TMEM71: variants seen among roughly 807,000 people sequenced by gnomAD.
The protein encoded by TMEM71 is transmembrane protein 71.
Under a neutral mutation model 38.0 loss-of-function variants are expected in TMEM71, and 44 were observed. The ratio of observed to expected loss-of-function variants is 1.16; its 90% CI spans 0.91 to 1.49. The LOEUF is 1.49. Among genes scored for constraint, TMEM71 ranks in the 40% most tolerant of loss-of-function variants. The pLI is 0.00. For synonymous variants in TMEM71, 133 were observed against 122.5 expected, an observed-to-expected ratio of 1.09 and a Z score of -0.56; for missense variants, 367 against 348.6, an observed-to-expected ratio of 1.05 and a Z score of -0.42.
At chr8:132,733,053 A>C (rs1407177305) in intron 5 of TMEM71, among the ~76,000 whole-genome samples, 1 of 152,208 alleles carries the variant, frequency 6.6e-6, no homozygotes, top group East Asian at 1.9e-4. Context: ...GGTTGTACTT[A>C]ATCTAGTCAA....
chr8:132,708,417 A>G (rs757333282), downstream of TMEM71, among the ~76,000 whole-genome samples: 17 of 152,252 alleles, frequency 1.1e-4, no homozygotes, highest in Non-Finnish European at 2.1e-4. Context: ...AACACACTTT[A>G]TACACTTGGA....
At chr8:132,775,608 G>A in the TMEM71 span, 1 of 344,974 alleles carries the variant, frequency 2.9e-6, no homozygotes, top group Non-Finnish European at 5.2e-6. Flanking sequence ...GCTCGGCCCC[G>A]GACGGCCCGG....
chr8:132,765,158 C>A (rs1040142288), upstream of TMEM71, among the ~76,000 whole-genome samples: 1 of 152,134 alleles, frequency 6.6e-6, no homozygotes, highest in African/African-American at 2.4e-5. Context: ...GCCAAGTGAA[C>A]CTACATTTCT....
At chr8:132,727,211 T>C (rs899989534) in intron 6 of TMEM71, among the ~76,000 whole-genome samples, 7 of 151,886 alleles carry the variant, frequency 4.6e-5, no homozygotes, top group Non-Finnish European at 8.8e-5. Flanking sequence ...TCTGTGTATC[T>C]TCCACTTTGC....
intron 5 of TMEM71, among the ~76,000 whole-genome samples, chr8:132,742,774 A>G (rs1271907874): frequency 6.6e-6 from 1 of 152,214 alleles, no homozygotes; most frequent in Non-Finnish European, 1.5e-5. Flanking sequence ...CCATTTGTTG[A>G]TGAGTGACAT....
chr8:132,774,602 A>G, the TMEM71 span, among the ~76,000 whole-genome samples: 1 of 152,270 alleles, frequency 6.6e-6, no homozygotes, highest in East Asian at 1.9e-4. Context: ...CCAGAGTGGT[A>G]CAGTGGAAAC....
intron 2 of TMEM71, among the ~76,000 whole-genome samples, chr8:132,757,825 CAAAAAA>C (rs56859505): frequency 9.3e-6 from 1 of 107,184 alleles, no homozygotes; most frequent in African/African-American, 3.8e-5. Flanking sequence ...GATTCTGTCT[CAAAAAA>C]AAAAAAAAAA....
At chr8:132,741,559 C>T (rs888975647) in intron 5 of TMEM71, among the ~76,000 whole-genome samples, 13 of 142,090 alleles carry the variant, frequency 9.1e-5, no homozygotes, top group East Asian at 2.0e-4. Flanking sequence ...ACGTGGGTCA[C>T]GTGTCCACTG....
intron 5 of TMEM71, among the ~76,000 whole-genome samples, chr8:132,739,887 T>C (rs2131120106): frequency 6.6e-6 from 1 of 152,352 alleles, no homozygotes; most frequent in Non-Finnish European, 1.5e-5. Context: ...TCTGGAATCC[T>C]ACTTCTCATC....
At chr8:132,766,778 C>T in the TMEM71 span, among the ~76,000 whole-genome samples, 1 of 120,094 alleles carries the variant, frequency 8.3e-6, no homozygotes, top group Non-Finnish European at 1.8e-5. Context: ...GAGCAAGACT[C>T]TGTCTAAAAA....
At chr8:132,732,703 G>A (rs1392888621) in intron 5 of TMEM71, among the ~76,000 whole-genome samples, 1 of 152,148 alleles carries the variant, frequency 6.6e-6, no homozygotes, top group Non-Finnish European at 1.5e-5. Context: ...AGAGACATTG[G>A]GGTCCTCATA....
chr8:132,758,398 A>C (rs1162436189), intron 2 of TMEM71: 1 of 166,790 alleles, frequency 6.0e-6, no homozygotes, highest in African/African-American at 2.4e-5. Flanking sequence ...GTAGGGAGAA[A>C]ACTGTGGGTG....
intron 5 of TMEM71, among the ~76,000 whole-genome samples, chr8:132,733,732 C>T (rs1827588287): frequency 6.6e-6 from 1 of 152,148 alleles, no homozygotes; most frequent in South Asian, 2.1e-4. Context: ...GCATGGTAGC[C>T]AAGATGCGGA....
chr8:132,728,985 T>C (rs1325065212), intron 5 of TMEM71, among the ~76,000 whole-genome samples: 4 of 152,334 alleles, frequency 2.6e-5, no homozygotes, highest in African/African-American at 7.2e-5. Context: ...CATACACACA[T>C]AGCTTCAAGA....
chr8:132,764,160 T>C (rs1829335539), upstream of TMEM71, among the ~76,000 whole-genome samples: 1 of 152,206 alleles, frequency 6.6e-6, no homozygotes. Flanking sequence ...GCTCTTAGGC[T>C]TATCATCTAA....
Position 132,751,766 on chromosome 8 carries a change from T to C in TMEM71, c.314+19A>G. The stretch of plus-strand genomic sequence containing the variant: ...ATGGATTGGACTTCAGATTTCTTTC[T>C]GTAATATGCTCTGCTTACCTAACTA... On this transcript the variant is annotated intron_variant, in intron 4 of 9. Coordinates refer to ENST00000677595, the MANE Select transcript of TMEM71 (RefSeq NM_001382403.1). 2 of 1,605,302 alleles carry C rather than the reference T, an allele frequency of 1.2e-6. No individual in the cohort carries two copies. The highest frequency in any genetic ancestry group is 1.7e-6 in the Non-Finnish European group (2 of 1,173,220).
the TMEM71 span, chr8:132,775,350 C>A: frequency 2.8e-6 from 1 of 353,996 alleles, no homozygotes; most frequent in Non-Finnish European, 5.1e-6. Flanking sequence ...TCCGGCACGT[C>A]GCGGGCGGCT....
intron 5 of TMEM71, among the ~76,000 whole-genome samples, chr8:132,730,848 C>T (rs1310418032): frequency 6.6e-6 from 1 of 151,900 alleles, no homozygotes; most frequent in African/African-American, 2.4e-5. Flanking sequence ...GACACTGTCC[C>T]AAAAGAAGTT....
chr8:132,729,013 C>T (rs1173288086), intron 5 of TMEM71, among the ~76,000 whole-genome samples: 2 of 152,206 alleles, frequency 1.3e-5, no homozygotes, highest in African/African-American at 2.4e-5. Context: ...CCCATTTTCT[C>T]CTATGATGAT....
Sources: allele counts gnomAD v4.1 joint callset (sites outside exome capture counted in the v4.1 genomes callset), GRCh38; gene constraint gnomAD v4.1.1; transcripts MANE v1.5; gene names NCBI Gene and HGNC (gene_info 2026-07-23, HGNC 2026-07-21).